AP2B1: variants seen among roughly 807,000 people sequenced by gnomAD.
AP2B1 encodes the protein adaptor related protein complex 2 subunit beta 1.
In AP2B1, 23 loss-of-function variants were observed where a neutral mutation model predicts 102.0. The ratio of observed to expected loss-of-function variants is 0.23; its 90% CI spans 0.16 to 0.32. The LOEUF (loss-of-function observed/expected upper bound fraction) is 0.32. Ranked by LOEUF, AP2B1 falls within the 10% of genes least tolerant of loss-of-function variation. AP2B1 has a pLI of 1.00. For missense variants in AP2B1, 541 were observed against 1,157.4 expected (o/e 0.47, Z 7.73); for synonymous variants, 381 against 421.2 (o/e 0.90, Z 1.17).
intron 18 of AP2B1, among the ~76,000 whole-genome samples, chr17:35,687,407 A>G (rs2075958927): frequency 6.6e-6 from 1 of 151,974 alleles, no homozygotes; most frequent in South Asian, 2.1e-4. Context: ...GGTGCGAGCC[A>G]CCACACCCAG....
chr17:35,725,669 T>C lies in AP2B1; in HGVS notation c.*1970T>C, dbSNP rs1598383103. 4 of 152,748 alleles carry C rather than the reference T, an allele frequency of 2.6e-5. No homozygotes were observed. The highest frequency in any genetic ancestry group is 2.4e-5 in the African/African-American group (1 of 41,522). The allele number at this position is 152,748 out of a possible 1,614,324, so 9.5% of individuals were successfully genotyped here. On this transcript the variant is annotated 3_prime_UTR_variant, in exon 22 of 22. Transcript: ENST00000610402. ...TGTGTGGAGCGGAAAAGCAGGTTGGTAAAGTTCCCTTCTTGGGACTTATTC... is the reference window on the plus strand; with the variant it reads ...TGTGTGGAGCGGAAAAGCAGGTTGGCAAAGTTCCCTTCTTGGGACTTATTC...
At chr17:35,654,894 C>T (rs1052017099) in intron 13 of AP2B1, among the ~76,000 whole-genome samples, 6 of 152,050 alleles carry the variant, frequency 3.9e-5, no homozygotes, top group African/African-American at 9.7e-5. Context: ...CAGGATACCA[C>T]GGCCGTTGAA....
chr17:35,714,428 GAGGATGTGTGACCTT>G lies in AP2B1; in HGVS notation c.2627-2764_2627-2750del, dbSNP rs587709243. Among the ~76,000 whole-genome samples the G allele has an allele frequency of 3.9e-4, 60 of 152,352 alleles. 1 individual carries two copies. The East Asian group carries it at 9.4e-3, about 24-fold the overall frequency. ...ACCTGCTTCACCCTTGTTGCTGTCA[GAGGATGTGTGACCTT>G]AGCTAAAGTAGAAAGATAAAAGAAG... On this transcript the variant is annotated intron_variant, in intron 20 of 21. Transcript: ENST00000610402.
At chr17:35,615,086 T>C (rs981663695) in intron 5 of AP2B1, among the ~76,000 whole-genome samples, 7 of 152,140 alleles carry the variant, frequency 4.6e-5, no homozygotes, top group Admixed American at 1.3e-4. Context: ...CAAAGAATTA[T>C]CCAGCAGTAA....
At chr17:35,591,345 GTATTTT>G (rs1268889692) in intron 1 of AP2B1, among the ~76,000 whole-genome samples, 4 of 152,048 alleles carry the variant, frequency 2.6e-5, no homozygotes, top group Admixed American at 2.0e-4. Flanking sequence ...GCTAATTTTT[GTATTTT>G]TATTAGAGAC....
intron 9 of AP2B1, among the ~76,000 whole-genome samples, chr17:35,630,664 T>A (rs1385643539): frequency 2.0e-5 from 3 of 152,236 alleles, no homozygotes; most frequent in Admixed American, 6.5e-5. Context: ...TCTAGATTCC[T>A]CAAGGCTGTT....
intron 3 of AP2B1, among the ~76,000 whole-genome samples, chr17:35,600,044 CAG>C (rs926547447): frequency 2.1e-4 from 32 of 152,272 alleles, no homozygotes; most frequent in Admixed American, 4.6e-4. Flanking sequence ...TGTGTGGACT[CAG>C]AAAGAGGAAA....
chr17:35,593,584 A>G (rs1463210356), intron 1 of AP2B1, among the ~76,000 whole-genome samples: 1 of 152,128 alleles, frequency 6.6e-6, no homozygotes, highest in Admixed American at 6.5e-5. Flanking sequence ...AGATCGGCAA[A>G]ATTGTTTTTT....
At chr17:35,685,876 C>A (rs915969024) in intron 18 of AP2B1, among the ~76,000 whole-genome samples, 3 of 152,088 alleles carry the variant, frequency 2.0e-5, no homozygotes, top group African/African-American at 7.2e-5. Context: ...GATTCTCCAG[C>A]CTTAGCCTCT....
chr17:35,670,824 C>G, intron 14 of AP2B1, 33 bp from the exon 15 acceptor site: 1 of 1,610,350 alleles, frequency 6.2e-7, no homozygotes, highest in South Asian at 1.1e-5. Context: ...TGAACTCTAC[C>G]TCTCTCTCCT....
intron 9 of AP2B1, among the ~76,000 whole-genome samples, chr17:35,635,069 G>T (rs1382011729): frequency 6.6e-6 from 1 of 151,694 alleles, no homozygotes; most frequent in South Asian, 2.1e-4. Context: ...TGGTGGGGTT[G>T]GGGGCATAGT....
At chr17:35,608,652 C>T (rs1027721299) in intron 5 of AP2B1, among the ~76,000 whole-genome samples, 1 of 152,116 alleles carries the variant, frequency 6.6e-6, no homozygotes, top group Non-Finnish European at 1.5e-5. Flanking sequence ...TGAAAACTTT[C>T]ATCATTTTCT....
intron 13 of AP2B1, 37 bp from the exon 14 acceptor site, chr17:35,657,560 CTT>C (rs1423063279): frequency 4.5e-6 from 7 of 1,567,004 alleles, no homozygotes; most frequent in Non-Finnish European, 6.1e-6. Flanking sequence ...GTGAAACTGA[CTT>C]TTCTCTTTTC....
chr17:35,598,368 C>T (rs763401436), intron 3 of AP2B1, 33 bp downstream of exon 3: 2 of 1,409,478 alleles, frequency 1.4e-6, no homozygotes, highest in Non-Finnish European at 2.0e-6. Context: ...TTGATCACTT[C>T]AGAGGTCCAT....
intron 18 of AP2B1, among the ~76,000 whole-genome samples, chr17:35,684,133 C>A (rs1424085551): frequency 6.6e-6 from 1 of 152,112 alleles, no homozygotes; most frequent in African/African-American, 2.4e-5. Context: ...TTAGGGCCTT[C>A]AAGACCCCCA....
At chr17:35,660,635 A>G (rs983371262) in intron 14 of AP2B1, among the ~76,000 whole-genome samples, 3 of 151,918 alleles carry the variant, frequency 2.0e-5, no homozygotes, top group Non-Finnish European at 4.4e-5. Context: ...GGTGCCCGCC[A>G]CCACGCCCGG....
intron 9 of AP2B1, among the ~76,000 whole-genome samples, chr17:35,632,463 A>C (rs926789153): frequency 7.9e-5 from 12 of 152,104 alleles, no homozygotes; most frequent in Admixed American, 1.3e-4. Context: ...GGTAATTTTA[A>C]TCAACCGGGA....
rs773063982 is a variant in AP2B1 at position 35,641,980 on chromosome 17, G to A, written c.1536+5G>A. 12 of 1,602,068 alleles carry A rather than the reference G, an allele frequency of 7.5e-6. No individual in the cohort carries two copies. The highest frequency in any genetic ancestry group is 1.0e-5 in the Non-Finnish European group (12 of 1,169,994). On this transcript the variant is annotated splice_donor_5th_base_variant and intron_variant, in intron 12 of 21. Coordinates refer to ENST00000610402, the MANE Select transcript of AP2B1 (RefSeq NM_001030006.2). ...GTCTTGAGTTTGGCAACACAGGTAA[G>A]AAATCTGGAAAAAGCAAGATGTTGA...
Position 35,674,105 on chromosome 17 carries a change from T to G in AP2B1, c.2179-71T>G, listed in dbSNP as rs147411168. On this transcript the variant is annotated intron_variant, in intron 16 of 21. Coordinates refer to ENST00000610402, the MANE Select transcript of AP2B1 (RefSeq NM_001030006.2). Reference sequence around the variant, plus strand: ...TAATTGTTAATCTTAATTTGTTTTTTATTTGTTAAAAAATGCATAGCATCA... The same window carrying G: ...TAATTGTTAATCTTAATTTGTTTTTGATTTGTTAAAAAATGCATAGCATCA... 2.0e-3 allele frequency: 2,903 copies of G among 1,465,338 alleles called. 44 individuals are homozygous for G. The East Asian group carries it at 0.041, about 21-fold the overall frequency. 90.8% of individuals were successfully genotyped at this position (1,465,338 alleles called of 1,614,324 possible).
Sources: gnomAD v4.1 joint callset for allele counts (sites outside exome capture counted in the v4.1 genomes callset) on GRCh38, gnomAD v4.1.1 for gene constraint, MANE v1.5 for transcripts, NCBI Gene and HGNC (gene_info 2026-07-23, HGNC 2026-07-21) for gene names.